ELMO1: variants seen among roughly 807,000 people sequenced by gnomAD.
ELMO1 encodes engulfment and cell motility protein 1.
Under a neutral mutation model 98.9 loss-of-function variants are expected in ELMO1, and 26 were observed. The observed-to-expected ratio is 0.26, with a 90% CI of 0.19 to 0.36. The LOEUF is 0.36. Among genes scored for constraint, ELMO1 ranks in the 10% least tolerant of loss-of-function variants. The pLI, the probability that ELMO1 is intolerant of heterozygous loss-of-function variation, is 1.00. For missense variants in ELMO1, 627 were observed against 935.2 expected, an observed-to-expected ratio of 0.67 and a Z score of 4.30; for synonymous variants, 346 against 346.0, an observed-to-expected ratio of 1.00 and a Z score of 0.00.
chr7:37,431,756 C>A (rs1583752675), intron 1 of ELMO1, among the ~76,000 whole-genome samples: 2 of 152,138 alleles, frequency 1.3e-5, no homozygotes, highest in South Asian at 2.1e-4. Context: ...GTTTTGGGAA[C>A]TAATGGACAA....
At chr7:36,988,711 CAT>C (rs1791673508) in intron 16 of ELMO1, among the ~76,000 whole-genome samples, 1 of 152,130 alleles carries the variant, frequency 6.6e-6, no homozygotes, top group African/African-American at 2.4e-5. Flanking sequence ...AAACAAAACA[CAT>C]GTGTGCTAGG....
At chr7:37,389,870 C>G (rs1408974315) in intron 1 of ELMO1, among the ~76,000 whole-genome samples, 1 of 152,012 alleles carries the variant, frequency 6.6e-6, no homozygotes, top group Non-Finnish European at 1.5e-5. Context: ...TTAGGGAGAG[C>G]TGCTCTTTGA....
At chr7:36,949,556 C>G (rs892635728) in intron 16 of ELMO1, among the ~76,000 whole-genome samples, 1 of 152,084 alleles carries the variant, frequency 6.6e-6, no homozygotes, top group African/African-American at 2.4e-5. Context: ...CTTGGCACTA[C>G]TGACATTTGG....
chr7:37,365,853 A>G lies in ELMO1; in HGVS notation c.-73-23090T>C, dbSNP rs114338928. On this transcript the variant is annotated intron_variant, in intron 1 of 21. Transcript: ENST00000310758. ...TCCCTCTTGTACTGTCGTAGTATCAAATGTGTGCAGTGTTTTTAAGTTTCA... is the reference window on the plus strand; with the variant it reads ...TCCCTCTTGTACTGTCGTAGTATCAGATGTGTGCAGTGTTTTTAAGTTTCA... Among the ~76,000 whole-genome samples, 541 of 152,350 alleles carry G rather than the reference A, an allele frequency of 3.6e-3. 3 individuals carry two copies. The highest frequency in any genetic ancestry group is 0.012 in the African/African-American group (506 of 41,578).
chr7:37,022,415 C>T (rs1173538559), intron 15 of ELMO1, among the ~76,000 whole-genome samples: 2 of 152,106 alleles, frequency 1.3e-5, no homozygotes, highest in African/African-American at 4.8e-5. Flanking sequence ...GAAGAATGGG[C>T]AAAACGTAAA....
intron 14 of ELMO1, among the ~76,000 whole-genome samples, chr7:37,107,099 G>A (rs1784994091): frequency 6.6e-6 from 1 of 152,088 alleles, no homozygotes; most frequent in African/African-American, 2.4e-5. Context: ...TTCATTCCAT[G>A]AATATTTTTA....
chr7:36,906,120 G>T (rs1338267947), intron 16 of ELMO1, among the ~76,000 whole-genome samples: 1 of 152,208 alleles, frequency 6.6e-6, no homozygotes, highest in Non-Finnish European at 1.5e-5. Context: ...ATCAGGCAAG[G>T]CTGCTGAACT....
chr7:37,080,679 C>T (rs1797824908), intron 15 of ELMO1, among the ~76,000 whole-genome samples: 1 of 133,520 alleles, frequency 7.5e-6, no homozygotes, highest in Non-Finnish European at 1.5e-5. Flanking sequence ...TCTTGAACTT[C>T]TGACCTCGTG....
chr7:37,020,150 G>C (rs1794185784), intron 15 of ELMO1, among the ~76,000 whole-genome samples: 1 of 152,114 alleles, frequency 6.6e-6, no homozygotes, highest in Non-Finnish European at 1.5e-5. Flanking sequence ...GCAGCTCCCT[G>C]GGCTCCAGAT....
chr7:37,137,480 A>G (rs868019847), intron 13 of ELMO1, among the ~76,000 whole-genome samples: 3 of 152,240 alleles, frequency 2.0e-5, no homozygotes, highest in South Asian at 2.1e-4. Context: ...CATTCTATTC[A>G]TCAGCACATG....
At chr7:37,313,074 A>G (rs1798967572) in intron 4 of ELMO1, among the ~76,000 whole-genome samples, 1 of 152,240 alleles carries the variant, frequency 6.6e-6, no homozygotes, top group Non-Finnish European at 1.5e-5. Context: ...AATTATATAG[A>G]TGCAGTATAA....
chr7:36,917,382 T>C (rs1175066412), intron 16 of ELMO1, among the ~76,000 whole-genome samples: 2 of 152,186 alleles, frequency 1.3e-5, no homozygotes, highest in East Asian at 3.8e-4. Context: ...TATTGATAAA[T>C]AGTCAAATTA....
chr7:37,134,491 G>A (rs561581846), intron 13 of ELMO1, among the ~76,000 whole-genome samples: 37 of 151,492 alleles, frequency 2.4e-4, no homozygotes, highest in African/African-American at 8.3e-4. Context: ...CCTGGGAGGC[G>A]GAGGTTGCAG....
At chr7:37,214,382 G>T (rs113191886) in intron 11 of ELMO1, among the ~76,000 whole-genome samples, 7 of 152,280 alleles carry the variant, frequency 4.6e-5, no homozygotes, top group African/African-American at 1.7e-4. Flanking sequence ...TAGACAGACT[G>T]CTGCAAACCA....
chr7:36,893,787 C>T (rs1279430840), intron 17 of ELMO1, among the ~76,000 whole-genome samples: 2 of 152,114 alleles, frequency 1.3e-5, no homozygotes, highest in African/African-American at 4.8e-5. Context: ...CCTGCCTATC[C>T]TAGCCTTTGC....
intron 1 of ELMO1, among the ~76,000 whole-genome samples, chr7:37,413,177 C>G (rs1804066296): frequency 6.6e-6 from 1 of 151,494 alleles, no homozygotes; most frequent in Non-Finnish European, 1.5e-5. Context: ...CATTTAGGCT[C>G]AAGATTCTTA....
intron 9 of ELMO1, 51 bp from the exon 10 acceptor site, chr7:37,222,744 G>T (rs1378892086): frequency 6.4e-7 from 1 of 1,565,298 alleles, no homozygotes; most frequent in African/African-American, 1.4e-5. Context: ...GTCAGAAGAG[G>T]CTAGCCCTGG....
chr7:37,352,640 A>G (rs1346108261), intron 1 of ELMO1, among the ~76,000 whole-genome samples: 1 of 152,168 alleles, frequency 6.6e-6, no homozygotes, highest in Non-Finnish European at 1.5e-5. Flanking sequence ...CAGAAATGCA[A>G]TGGAAAGTGG....
At chr7:37,107,327 A>AC (rs1247596591) in intron 14 of ELMO1, among the ~76,000 whole-genome samples, 4 of 152,198 alleles carry the variant, frequency 2.6e-5, no homozygotes, top group African/African-American at 9.6e-5. Context: ...CAATGGGCAG[A>AC]CGGGGCTTCA....
Sources: allele counts gnomAD v4.1 joint callset (sites outside exome capture counted in the v4.1 genomes callset), GRCh38; gene constraint gnomAD v4.1.1; transcripts MANE v1.5; gene names NCBI Gene and HGNC (gene_info 2026-07-23, HGNC 2026-07-21).